COP1: variants seen among roughly 807,000 people sequenced by gnomAD.
COP1 encodes E3 ubiquitin-protein ligase COP1.
A neutral mutation model predicts 101.3 loss-of-function variants in COP1; 24 were observed. The observed-to-expected ratio is 0.24, with a 90% CI of 0.17 to 0.33. COP1 has a LOEUF of 0.33. Ranked by LOEUF, COP1 falls within the 10% of genes least tolerant of loss-of-function variation. COP1 has a pLI of 1.00. For synonymous variants in COP1, 347 were observed against 341.9 expected (o/e 1.01, Z -0.17); for missense variants, 663 against 906.2 (o/e 0.73, Z 3.45).
At chr1:176,003,347 T>C (rs1662261966) in intron 15 of COP1, among the ~76,000 whole-genome samples, 1 of 152,160 alleles carries the variant, frequency 6.6e-6, no homozygotes, top group African/African-American at 2.4e-5. Context: ...AGAAGCTCTT[T>C]AGTTTAATTA....
chr1:176,009,699 T>C (rs1277851928), intron 15 of COP1, among the ~76,000 whole-genome samples: 2 of 152,198 alleles, frequency 1.3e-5, no homozygotes, highest in Non-Finnish European at 2.9e-5. Flanking sequence ...TTGTTATTAT[T>C]ATGCCATCAT....
At chr1:175,951,641 C>T (rs1649937023) in intron 18 of COP1, among the ~76,000 whole-genome samples, 1 of 151,760 alleles carries the variant, frequency 6.6e-6, no homozygotes, top group South Asian at 2.1e-4. Flanking sequence ...TGGTTTTCTA[C>T]TGAGAGGCAA....
At chr1:176,084,240 A>C (rs1487431246) in intron 10 of COP1, among the ~76,000 whole-genome samples, 1 of 152,180 alleles carries the variant, frequency 6.6e-6, no homozygotes, top group African/African-American at 2.4e-5. Flanking sequence ...AAGTGCTGGG[A>C]TTACAGGCAT....
intron 6 of COP1, among the ~76,000 whole-genome samples, chr1:176,145,642 G>A (rs1691467759): frequency 2.0e-5 from 3 of 151,986 alleles, no homozygotes; most frequent in Admixed American, 6.6e-5. Context: ...TTCACTTAAT[G>A]GAATACTATA....
intron 9 of COP1, among the ~76,000 whole-genome samples, chr1:176,115,550 C>G (rs775377210): frequency 6.6e-6 from 1 of 152,024 alleles, no homozygotes; most frequent in Non-Finnish European, 1.5e-5. Flanking sequence ...AGATGGAGAC[C>G]TTCCTGGCTA....
At chr1:176,203,669 C>T (rs1700526644) in intron 1 of COP1, among the ~76,000 whole-genome samples, 2 of 152,304 alleles carry the variant, frequency 1.3e-5, no homozygotes, top group South Asian at 4.1e-4. Context: ...GTATTAGATT[C>T]TCCATCAATA....
At chr1:175,982,844 G>A (rs1014227487) in intron 18 of COP1, among the ~76,000 whole-genome samples, 13 of 152,150 alleles carry the variant, frequency 8.5e-5, no homozygotes, top group Non-Finnish European at 8.8e-5. Flanking sequence ...GAGAAATAGA[G>A]AATAGAATGG....
At chr1:176,023,673 G>A (rs1482457226) in intron 15 of COP1, among the ~76,000 whole-genome samples, 6 of 146,128 alleles carry the variant, frequency 4.1e-5, no homozygotes, top group South Asian at 4.3e-4. Context: ...AGCTGAGATC[G>A]TGCCATTGCA....
chr1:176,203,428 A>C (rs1197844820), intron 1 of COP1, among the ~76,000 whole-genome samples: 2 of 152,252 alleles, frequency 1.3e-5, no homozygotes, highest in Non-Finnish European at 2.9e-5. Context: ...TGGGACTTGC[A>C]GAGGTAGAAA....
intron 9 of COP1, among the ~76,000 whole-genome samples, chr1:176,089,511 G>A (rs1288208132): frequency 6.6e-5 from 10 of 152,270 alleles, no homozygotes; most frequent in African/African-American, 2.2e-4. Flanking sequence ...GTATTTACCT[G>A]CTGGCACAAG....
intron 15 of COP1, among the ~76,000 whole-genome samples, chr1:175,994,965 C>T (rs1659737458): frequency 6.6e-6 from 1 of 152,180 alleles, no homozygotes; most frequent in Non-Finnish European, 1.5e-5. Flanking sequence ...CCACACAACA[C>T]CTATTCCAAA....
At chr1:176,007,749 C>A (rs1177311806) in intron 15 of COP1, among the ~76,000 whole-genome samples, 3 of 152,184 alleles carry the variant, frequency 2.0e-5, no homozygotes, top group Non-Finnish European at 2.9e-5. Context: ...CTCTTCAAAG[C>A]TGTCAGACAG....
chr1:176,142,773 C>A (rs1690904888), intron 6 of COP1, among the ~76,000 whole-genome samples: 1 of 150,156 alleles, frequency 6.7e-6, no homozygotes, highest in South Asian at 2.1e-4. Flanking sequence ...TCTAAATAAG[C>A]CACAGGCCTA....
chr1:176,184,285 G>A (rs189083141), intron 2 of COP1, among the ~76,000 whole-genome samples: 9 of 152,192 alleles, frequency 5.9e-5, no homozygotes, highest in Admixed American at 3.3e-4. Context: ...GCTTCACTGC[G>A]TTCTCCAACC....
At chr1:176,130,074 C>G (rs1013937051) in intron 8 of COP1, among the ~76,000 whole-genome samples, 3 of 151,704 alleles carry the variant, frequency 2.0e-5, no homozygotes, top group Middle Eastern at 6.8e-3. Flanking sequence ...ATAACGTCCA[C>G]CCAGTTTACC....
chr1:176,132,629 A>T (rs71514836), intron 8 of COP1, among the ~76,000 whole-genome samples: 12,361 of 56,240 alleles, frequency 0.22, 1,018 homozygotes, highest in Non-Finnish European at 0.29. Context: ...ATATACACAC[A>T]TATACACATA....
intron 2 of COP1, among the ~76,000 whole-genome samples, chr1:176,181,507 G>A (rs1697752388): frequency 6.6e-6 from 1 of 151,854 alleles, no homozygotes; most frequent in Non-Finnish European, 1.5e-5. Flanking sequence ...CCAACATTAT[G>A]GCCTCTATTC....
chr1:175,980,974 C>T (rs369726649), intron 18 of COP1, among the ~76,000 whole-genome samples: 3 of 152,156 alleles, frequency 2.0e-5, no homozygotes, highest in Middle Eastern at 6.8e-3. Context: ...ATACTTAAAA[C>T]ACTTCATATT....
intron 3 of COP1, among the ~76,000 whole-genome samples, chr1:176,171,809 T>C (rs1295273644): frequency 6.6e-6 from 1 of 152,166 alleles, no homozygotes; most frequent in African/African-American, 2.4e-5. Context: ...AGCACGGAAA[T>C]AGATTATAAG....
Sources: allele counts gnomAD v4.1 joint callset (sites outside exome capture counted in the v4.1 genomes callset), GRCh38; gene constraint gnomAD v4.1.1; transcripts MANE v1.5; gene names NCBI Gene and HGNC (gene_info 2026-07-23, HGNC 2026-07-21).